IRAG1: variants seen among roughly 807,000 people sequenced by gnomAD.
The protein encoded by IRAG1 is IP3R-associated cGMP kinase substrate.
IRAG1 carries 62 observed loss-of-function variants against 106.2 expected under a neutral mutation model. That is an observed-to-expected ratio of 0.58 (90% CI 0.48 to 0.72). The LOEUF is 0.72. Ranked by LOEUF, IRAG1 falls within the 30% of genes least tolerant of loss-of-function variation. The pLI, the probability that IRAG1 is intolerant of heterozygous loss-of-function variation, is 0.00. For missense variants in IRAG1, 1,064 were observed against 1,140.7 expected, an observed-to-expected ratio of 0.93 and a Z score of 0.97; for synonymous variants, 462 against 443.9, an observed-to-expected ratio of 1.04 and a Z score of -0.51.
rs186580912 is a variant in IRAG1 at position 10,666,254 on chromosome 11, C to G, written c.68-14072G>C. Among the ~76,000 whole-genome samples, 9 of 152,308 alleles carry G rather than the reference C, an allele frequency of 5.9e-5. No homozygotes were observed. In the East Asian group the frequency reaches 1.7e-3, roughly 29 times the overall value. ...GACTCTTTACATCCTTTATCTTATC[C>G]AGTCCTTACAACAGCCCTGCATGGT... On this transcript the variant is annotated intron_variant, in intron 1 of 20. Coordinates refer to ENST00000423302, the MANE Select transcript of IRAG1 (RefSeq NM_130385.4).
intron 18 of IRAG1, 131 bp from the exon 19 acceptor site, chr11:10,582,117 T>C (rs1298412657): frequency 2.6e-6 from 3 of 1,174,406 alleles, no homozygotes; most frequent in South Asian, 1.7e-5. Flanking sequence ...TTTCAGATTT[T>C]TTCCCAATCC....
chr11:10,629,435 C>A, intron 5 of IRAG1, 103 bp downstream of exon 5: 1 of 1,249,874 alleles, frequency 8.0e-7, no homozygotes, highest in South Asian at 1.5e-5. Flanking sequence ...GAGTCCAAGG[C>A]GACCTCCTCG....
At chr11:10,599,356 T>C (rs1442374320) in intron 15 of IRAG1, among the ~76,000 whole-genome samples, 1 of 152,200 alleles carries the variant, frequency 6.6e-6, no homozygotes, top group Admixed American at 6.5e-5. Flanking sequence ...GCTCATCCTA[T>C]AAATCTTAGG....
chr11:10,578,296 C>T (rs546292585), intron 20 of IRAG1, among the ~76,000 whole-genome samples: 5 of 152,284 alleles, frequency 3.3e-5, no homozygotes, highest in South Asian at 2.1e-4. Flanking sequence ...TTTGAACAGC[C>T]GTTAGGAGAA....
rs1277045277 is a variant in IRAG1 at position 10,628,857 on chromosome 11, A to G, written c.575-29T>C. On this transcript the variant is annotated intron_variant, in intron 5 of 20. Coordinates refer to ENST00000423302, the MANE Select transcript of IRAG1 (RefSeq NM_130385.4). This position sits in a 1 kb window ranked among gnomAD's most constrained non-coding sequence, Gnocchi z 4.1. ...TGAAGACAGACACAAATTGGCTGGC[A>G]TTCATGAAGGTTTAGGACTTCAACC... 4 of 1,558,974 alleles carry G rather than the reference A, an allele frequency of 2.6e-6. No individual in the cohort carries two copies. Among genetic ancestry groups the G allele is most frequent in the Non-Finnish European group, 3.5e-6 (4 of 1,152,222 alleles).
intron 1 of IRAG1, among the ~76,000 whole-genome samples, chr11:10,671,399 G>A (rs1378810920): frequency 6.6e-6 from 1 of 152,126 alleles, no homozygotes; most frequent in East Asian, 1.9e-4. Flanking sequence ...AGCATCAAAA[G>A]CATAAATACT....
intron 17 of IRAG1, among the ~76,000 whole-genome samples, chr11:10,592,126 G>A (rs1852747879): frequency 6.6e-6 from 1 of 152,136 alleles, no homozygotes; most frequent in Admixed American, 6.5e-5. Context: ...TTGTGTTGTT[G>A]CAATGGATTT....
intron 2 of IRAG1, 125 bp downstream of exon 2, chr11:10,651,900 T>C: frequency 8.7e-7 from 1 of 1,147,060 alleles, no homozygotes; most frequent in Non-Finnish European, 1.2e-6. Flanking sequence ...CTTCTCCAGG[T>C]ACCCACTGCA....
In IRAG1 at chr11:10,646,113, G is replaced by A. The variant is rs146781328; in HGVS notation, c.225+5912C>T. Among the ~76,000 whole-genome samples, 307 of 152,260 alleles carry A rather than the reference G, an allele frequency of 2.0e-3. 1 individual carries two copies. Among genetic ancestry groups the A allele is most frequent in the African/African-American group, 7.2e-3 (299 of 41,538 alleles). On this transcript the variant is annotated intron_variant, in intron 2 of 20. Transcript: ENST00000423302. ...CCTTACATTTCTATGAGCCTTTCCTGTACCTTCTGGAACTCCCTGGCTGCT... is the reference window on the plus strand; with the variant it reads ...CCTTACATTTCTATGAGCCTTTCCTATACCTTCTGGAACTCCCTGGCTGCT...
At chr11:10,643,155 C>T (rs1255337948) in intron 2 of IRAG1, among the ~76,000 whole-genome samples, 9 of 114,280 alleles carry the variant, frequency 7.9e-5, no homozygotes, top group East Asian at 2.6e-4. Flanking sequence ...CCAGCCTGGG[C>T]GACAGAGTGA....
At chr11:10,648,102 G>A (rs1330455282) in intron 2 of IRAG1, among the ~76,000 whole-genome samples, 1 of 152,136 alleles carries the variant, frequency 6.6e-6, no homozygotes, top group African/African-American at 2.4e-5. Flanking sequence ...GGTGGCTCAC[G>A]CCTGTAATCC....
rs1273075103 is a variant in IRAG1 at position 10,690,317 on chromosome 11, G to A, written c.67+3219C>T. 3.6e-6 allele frequency: 4 copies of A among 1,112,022 alleles called. No homozygotes were observed. The South Asian group carries it at 5.4e-5, about 15-fold the overall frequency. The allele number at this position is 1,112,022 out of a possible 1,614,324, so 68.9% of individuals were successfully genotyped here. A position where few individuals can be genotyped will look rare whatever the true frequency, so the allele number is the denominator to read the frequency against. ...AGGCATGAGAATTGCTTGAACCCGG[G>A]AGGTGGGGTTGCACCACTGCACTCC... On this transcript the variant is annotated intron_variant, in intron 1 of 20. Transcript: ENST00000423302.
At chr11:10,680,391 A>AGGAT (rs1861106821) in intron 1 of IRAG1, among the ~76,000 whole-genome samples, 1 of 82,392 alleles carries the variant, frequency 1.2e-5, no homozygotes, top group Non-Finnish European at 2.4e-5. Context: ...GAAGGAAGGA[A>AGGAT]GGAAGGAAGG....
chr11:10,598,596 A>G (rs1853589524), intron 15 of IRAG1, among the ~76,000 whole-genome samples: 1 of 152,256 alleles, frequency 6.6e-6, no homozygotes, highest in Admixed American at 6.5e-5. Flanking sequence ...ATTGTGGCCT[A>G]TCAAAGTCAT....
At chr11:10,608,704 T>C (rs2134387515) in intron 11 of IRAG1, among the ~76,000 whole-genome samples, 1 of 152,358 alleles carries the variant, frequency 6.6e-6, no homozygotes, top group African/African-American at 2.4e-5. Context: ...TATCTTTTTA[T>C]TGAGTGTAAG....
chr11:10,579,040 G>A (rs1197638099), intron 20 of IRAG1, among the ~76,000 whole-genome samples: 1 of 152,202 alleles, frequency 6.6e-6, no homozygotes, highest in Non-Finnish European at 1.5e-5. Flanking sequence ...GGGAGATGAG[G>A]CCTAAGGAGA....
intron 2 of IRAG1, among the ~76,000 whole-genome samples, chr11:10,636,455 G>A (rs1857155472): frequency 6.6e-6 from 1 of 152,216 alleles, no homozygotes; most frequent in African/African-American, 2.4e-5. Context: ...GGGATTAAAG[G>A]TGTGAGCCAC....
rs78054600 is a variant in IRAG1, at chr11:10,628,105, G to C, written c.653-80C>G. The C allele has an allele frequency of 2.0e-6, 3 of 1,475,228 alleles. No homozygotes were observed. In the South Asian group the frequency reaches 3.5e-5, roughly 17 times the overall value. 91.4% of individuals were successfully genotyped at this position (1,475,228 alleles called of 1,614,324 possible). A position where few individuals can be genotyped will look rare whatever the true frequency, so the allele number is the denominator to read the frequency against. On this transcript the variant is annotated intron_variant, in intron 6 of 20. Transcript: ENST00000423302. This position sits in a 1 kb window ranked among gnomAD's most constrained non-coding sequence, Gnocchi z 4.1. The stretch of plus-strand genomic sequence containing the variant: ...TGCTTTCAGCCACATCTCCCTCCCC[G>C]GGCTATCCTCCCTTTGCAATCTCAG...
chr11:10,617,265 T>C, intron 10 of IRAG1: 10 of 850,708 alleles, frequency 1.2e-5, no homozygotes, highest in Non-Finnish European at 1.3e-5. Flanking sequence ...AACTATGCAG[T>C]AGATACACTT....
Sources: gnomAD v4.1 joint callset for allele counts (sites outside exome capture counted in the v4.1 genomes callset) on GRCh38, gnomAD v4.1.1 for gene constraint, Gnocchi (gnomAD v3.1) non-coding constraint, MANE v1.5 for transcripts, NCBI Gene and HGNC (gene_info 2026-07-23, HGNC 2026-07-21) for gene names.